Variants in ADSL observed in about 807,000 individuals in gnomAD.
ADSL encodes the protein adenylosuccinate lyase.
Under a neutral mutation model 62.1 loss-of-function variants are expected in ADSL, and 44 were observed. The ratio of observed to expected loss-of-function variants is 0.71; its 90% CI spans 0.56 to 0.91. ADSL has a LOEUF of 0.91. Ranked by LOEUF, ADSL falls within the 40% of genes least tolerant of loss-of-function variation. The pLI is 0.00. For synonymous variants in ADSL, 198 were observed against 220.5 expected (o/e 0.90, Z 0.90); for missense variants, 531 against 627.4 (o/e 0.85, Z 1.64).
At chr22:40,355,489 A>G (rs533945996) in intron 4 of ADSL, among the ~76,000 whole-genome samples, 2 of 152,238 alleles carry the variant, frequency 1.3e-5, no homozygotes, top group South Asian at 2.1e-4. Context: ...ATCGCATACA[A>G]TATGTGACCT....
chr22:40,387,363 C>T (rs895815289), intron 2 of ADSL: 4 of 392,192 alleles, frequency 1.0e-5, no homozygotes, highest in East Asian at 7.2e-5. Flanking sequence ...GAAACATTTC[C>T]GGTAATTATA....
chr22:40,349,034 C>A (rs561619879), intron 1 of ADSL: 1 of 154,642 alleles, frequency 6.5e-6, no homozygotes, highest in African/African-American at 2.4e-5. Context: ...TACAGAATTT[C>A]TAAATTTGGT....
intron 4 of ADSL, among the ~76,000 whole-genome samples, chr22:40,357,268 T>G (rs2044601774): frequency 6.7e-6 from 1 of 148,766 alleles, no homozygotes; most frequent in Non-Finnish European, 1.5e-5. Flanking sequence ...TTTTTTTTTT[T>G]TTGACATGGA....
At position 40,353,004 on chromosome 22, in the gene ADSL, A is replaced by G. The variant is rs1297479849; in HGVS notation, c.358-69A>G. The G allele has an allele frequency of 4.9e-6, 7 of 1,431,494 alleles. No homozygotes were observed. In the Admixed American group the frequency reaches 1.2e-4, roughly 24 times the overall value. The allele number at this position is 1,431,494 out of a possible 1,614,324, so 88.7% of individuals were successfully genotyped here. A position where few individuals can be genotyped will look rare whatever the true frequency, so the allele number is the denominator to read the frequency against. ...TGAGCAACCCAGCCTTTCTGGCCAA[A>G]AAGTGTTATGTAATAATATTGTTTG... On this transcript the variant is annotated intron_variant, in intron 2 of 12. Coordinates refer to ENST00000623063, the MANE Select transcript of ADSL (RefSeq NM_000026.4).
intron 11 of ADSL, 116 bp downstream of exon 11, chr22:40,364,481 GGT>G: frequency 1.1e-6 from 1 of 918,136 alleles, no homozygotes; most frequent in Non-Finnish European, 1.7e-6. Flanking sequence ...TCACAGTAAT[GGT>G]ACAGAGCAGT....
intron 9 of ADSL, among the ~76,000 whole-genome samples, chr22:40,361,929 C>T (rs1320644269): frequency 6.6e-6 from 1 of 152,090 alleles, no homozygotes; most frequent in Non-Finnish European, 1.5e-5. Flanking sequence ...AAGACAAGAT[C>T]GGGAGCATTA....
At chr22:40,354,122 A>G (rs746137082) in intron 3 of ADSL, 126 bp from the exon 4 acceptor site, 37 of 900,958 alleles carry the variant, frequency 4.1e-5, no homozygotes, top group Admixed American at 3.4e-5. Flanking sequence ...ATGGAAGGAT[A>G]TGGCTGCTGC....
In ADSL at chr22:40,366,601, C is replaced by A. The variant is rs1371860995; in HGVS notation, c.*79C>A. ...GTGTTACTATAATGCCTTATTTTAC[C>A]TCGAGAATTGTTACCTTAAATTAGT... On this transcript the variant is annotated 3_prime_UTR_variant, in exon 13 of 13. Coordinates refer to ENST00000623063, the MANE Select transcript of ADSL (RefSeq NM_000026.4). 20 of 1,048,092 alleles carry A rather than the reference C, an allele frequency of 1.9e-5. No individual in the cohort carries two copies. In the East Asian group the frequency reaches 4.7e-4, roughly 24 times the overall value. 64.9% of individuals were successfully genotyped at this position (1,048,092 alleles called of 1,614,324 possible).
chr22:40,377,244 G>A (rs1326403099), intron 2 of ADSL, among the ~76,000 whole-genome samples: 1 of 152,174 alleles, frequency 6.6e-6, no homozygotes, highest in Non-Finnish European at 1.5e-5. Context: ...CAGATGTTAG[G>A]CAAATAGATG....
At chr22:40,385,681 G>A (rs1177409378) in intron 2 of ADSL, among the ~76,000 whole-genome samples, 1 of 152,186 alleles carries the variant, frequency 6.6e-6, no homozygotes, top group Non-Finnish European at 1.5e-5. Flanking sequence ...GCAGAGAGTA[G>A]TTGGGTTTCA....
At chr22:40,372,272 G>T (rs1318999435), downstream of ADSL, among the ~76,000 whole-genome samples, 3 of 151,858 alleles carry the variant, frequency 2.0e-5, no homozygotes, top group Non-Finnish European at 4.4e-5. Flanking sequence ...GACTATAGGT[G>T]CCCGCCACCA....
chr22:40,350,174 G>C (rs1323953803), intron 2 of ADSL, 139 bp downstream of exon 2: 76 of 794,888 alleles, frequency 9.6e-5, no homozygotes, highest in South Asian at 6.9e-4. Context: ...CTGTCTCCCA[G>C]ACTGGAGTGC....
chr22:40,360,306 C>G lies in ADSL; in HGVS notation c.702-96C>G, dbSNP rs1179363986. 6.0e-6 allele frequency: 6 copies of G among 1,004,202 alleles called. No individual in the cohort carries two copies. The African/African-American group carries it at 9.5e-5, about 16-fold the overall frequency. 62.2% of individuals were successfully genotyped at this position (1,004,202 alleles called of 1,614,324 possible). The stretch of plus-strand genomic sequence containing the variant: ...AACCTCCTGAGTTAAAGCAGTCCTC[C>G]TCCGTTAGCCTCCTAAGTAGCTGGG... On this transcript the variant is annotated intron_variant, in intron 6 of 12. Coordinates refer to ENST00000623063, the MANE Select transcript of ADSL (RefSeq NM_000026.4).
intron 7 of ADSL, among the ~76,000 whole-genome samples, chr22:40,360,753 G>A (rs900845344): frequency 2.7e-5 from 4 of 147,080 alleles, no homozygotes; most frequent in Admixed American, 6.9e-5. Context: ...ATGGAGTTTC[G>A]CTCTTGTTGC....
downstream of ADSL, among the ~76,000 whole-genome samples, chr22:40,374,277 A>T (rs1387776727): frequency 6.6e-6 from 1 of 152,050 alleles, no homozygotes; most frequent in African/African-American, 2.4e-5. Context: ...ATAGTTTGAG[A>T]GTTGGGGAAG....
intron 4 of ADSL, 62 bp from the exon 5 acceptor site, chr22:40,358,802 T>A: frequency 1.9e-6 from 3 of 1,540,628 alleles, no homozygotes; most frequent in Non-Finnish European, 2.7e-6. Flanking sequence ...AAAGAAGCAA[T>A]GAAACCTTGA....
chr22:40,366,432 G>A lies in ADSL; in HGVS notation c.1369-4G>A. ...TTTGTCTTGTATTTGCTTTCCTCTGGCAGGTGCAGAGATTCTTAGAAGAGG... is the reference window on the plus strand; with the variant it reads ...TTTGTCTTGTATTTGCTTTCCTCTGACAGGTGCAGAGATTCTTAGAAGAGG... On this transcript the variant is annotated splice_polypyrimidine_tract_variant and splice_region_variant and intron_variant, in intron 12 of 12. Transcript: ENST00000623063. 6.2e-7 allele frequency: 1 copy of A among 1,602,566 alleles called. No individual in the cohort carries two copies. The highest frequency in any genetic ancestry group is 8.5e-7 in the Non-Finnish European group (1 of 1,169,642).
At chr22:40,364,430 T>C in intron 11 of ADSL, 65 bp downstream of exon 11, 3 of 1,364,414 alleles carry the variant, frequency 2.2e-6, no homozygotes, top group East Asian at 2.3e-5. Flanking sequence ...CTCTTCTCCG[T>C]GAAGGAGAGC....
chr22:40,353,037 CT>C, intron 2 of ADSL, 35 bp from the exon 3 acceptor site: 1 of 1,584,316 alleles, frequency 6.3e-7, no homozygotes, highest in Non-Finnish European at 8.7e-7. Flanking sequence ...TTGAGCAAAG[CT>C]GCTAAATATA....
Sources: gnomAD v4.1 joint callset for allele counts (sites outside exome capture counted in the v4.1 genomes callset) on GRCh38, gnomAD v4.1.1 for gene constraint, MANE v1.5 for transcripts, NCBI Gene and HGNC (gene_info 2026-07-23, HGNC 2026-07-21) for gene names.